The following NBPF12 variants were observed in gnomAD, a reference collection of about 807,000 sequenced individuals.
NBPF12 encodes NBPF member 12, also known as NBPF family member NBPF12.
A neutral mutation model predicts 146.4 loss-of-function variants in NBPF12; 115 were observed. The observed-to-expected ratio is 0.79, with a 90% CI of 0.68 to 0.92. The LOEUF is 0.92. NBPF12 is among the 40% of genes least tolerant of loss of function. The probability of loss-of-function intolerance (pLI) is 0.00; values close to 1 mark genes in which losing one functional copy is unlikely to be tolerated. For synonymous variants in NBPF12, 385 were observed against 508.9 expected, an observed-to-expected ratio of 0.76 and a Z score of 3.28; for missense variants, 1,205 against 1,326.8, an observed-to-expected ratio of 0.91 and a Z score of 1.43.
At chr1:146,994,819 C>T in exon 34 of NBPF12, 2 of 765,460 alleles carry the variant, frequency 2.6e-6, no homozygotes, top group Non-Finnish European at 4.0e-6. Flanking sequence ...ATCAGCCGGA[C>T]ATTTTAATTT....
At chr1:146,962,260 T>A (rs1655895015) in exon 5 of NBPF12, 1 of 1,603,648 alleles carries the variant, frequency 6.2e-7, no homozygotes, top group Non-Finnish European at 8.5e-7. Flanking sequence ...GCTGAGGAGC[T>A]CAGGTGAGGG....
At chr1:146,972,046 C>G (rs1489470723) in intron 13 of NBPF12, among the ~76,000 whole-genome samples, 6,910 of 147,908 alleles carry the variant, frequency 0.047, 754 homozygotes, top group African/African-American at 0.16. Flanking sequence ...CGAGATTGTG[C>G]CACTGCACTC....
chr1:146,940,527 G>A (rs1570805398), intron 1 of NBPF12, among the ~76,000 whole-genome samples: 1 of 150,058 alleles, frequency 6.7e-6, no homozygotes, highest in Non-Finnish European at 1.5e-5. Flanking sequence ...GTGCACTCTG[G>A]CCTGGATGGC....
chr1:146,956,266 C>A (rs1269700539), intron 2 of NBPF12, among the ~76,000 whole-genome samples: 5 of 151,876 alleles, frequency 3.3e-5, no homozygotes, highest in Non-Finnish European at 7.4e-5. Flanking sequence ...CACAAAAGAA[C>A]ACAGGTATCA....
chr1:146,946,649 T>G (rs1468513744), upstream of NBPF12, among the ~76,000 whole-genome samples: 4 of 148,092 alleles, frequency 2.7e-5, no homozygotes, highest in African/African-American at 5.0e-5. Context: ...TTTTCCATTC[T>G]CTTAACAGTG....
intron 8 of NBPF12, 146 bp downstream of exon 11, chr1:146,965,250 A>C: frequency 1.5e-6 from 1 of 679,204 alleles, no homozygotes; most frequent in South Asian, 1.7e-5. Context: ...ATATAATCAC[A>C]GCACTTTGGA....
intron 6 of NBPF12, 107 bp downstream of exon 9, chr1:146,963,416 A>C (rs1441946313): frequency 1.2e-6 from 2 of 1,601,586 alleles, no homozygotes; most frequent in East Asian, 4.5e-5. Context: ...TTTTTCTACT[A>C]CACATATGTG....
At position 146,975,367 on chromosome 1, in the gene NBPF12, C is replaced by G. The variant is rs1304522424; in HGVS notation, c.1905-310C>G. Among the ~76,000 whole-genome samples, 171 of 145,988 alleles carry G rather than the reference C, an allele frequency of 1.2e-3. 3 individuals carry two copies. Among genetic ancestry groups the G allele is most frequent in the Non-Finnish European group, 2.5e-4 (17 of 67,484 alleles). ...TATGTGTATTTTCACATGGAAATGT[C>G]CATGGCCAGAGTGAGGAACTGAAAG... On this transcript the variant is annotated intron_variant, in intron 15 of 33. Transcript: ENST00000617844.
chr1:146,954,881 C>CCCCA (rs1655498918), intron 2 of NBPF12, among the ~76,000 whole-genome samples: 1 of 102,994 alleles, frequency 9.7e-6, no homozygotes, highest in African/African-American at 3.7e-5. Context: ...GTATACACAC[C>CCCCA]CACACACACA....
chr1:146,965,328 A>G (rs1490344720), intron 8 of NBPF12, among the ~76,000 whole-genome samples: 1 of 151,382 alleles, frequency 6.6e-6, no homozygotes, highest in African/African-American at 2.4e-5. Context: ...GGTGAAACCC[A>G]TCTTTACGAA....
At chr1:146,973,361 G>A (rs1656781203) in intron 14 of NBPF12, among the ~76,000 whole-genome samples, 1 of 151,728 alleles carries the variant, frequency 6.6e-6, no homozygotes, top group African/African-American at 2.4e-5. Context: ...TTTCTGTTGA[G>A]GCCCAATACG....
chr1:146,965,763 G>T (rs1360208916), intron 8 of NBPF12, among the ~76,000 whole-genome samples: 2 of 123,884 alleles, frequency 1.6e-5, no homozygotes, highest in Non-Finnish European at 3.2e-5. Flanking sequence ...CTGCACTCCA[G>T]CCTGGGAGAC....
At chr1:146,947,215 G>A (rs2101816271), upstream of NBPF12, among the ~76,000 whole-genome samples, 1 of 151,826 alleles carries the variant, frequency 6.6e-6, no homozygotes, top group Admixed American at 6.5e-5. Context: ...TGGTCTTCAA[G>A]GAGTTTTTAA....
intron 23 of NBPF12, among the ~76,000 whole-genome samples, chr1:146,986,027 C>G (rs1437460162): frequency 1.8e-3 from 271 of 151,126 alleles, no homozygotes; most frequent in African/African-American, 6.2e-3. Context: ...ATTATTGAGC[C>G]CACTGTTTTC....
At chr1:146,949,132 TGCCG>T (rs1352742805), upstream of NBPF12, among the ~76,000 whole-genome samples, 10,910 of 139,576 alleles carry the variant, frequency 0.078, no homozygotes, top group East Asian at 0.17. Flanking sequence ...CAGAGGCCAG[TGCCG>T]GCATGGGTCC....
chr1:146,994,463 C>G lies in NBPF12; in HGVS notation c.4262C>G (p.Ser1421Ter). 3.1e-6 allele frequency: 5 copies of G among 1,609,008 alleles called. No individual in the cohort carries two copies. Among genetic ancestry groups the G allele is most frequent in the Non-Finnish European group, 3.4e-6 (4 of 1,178,912 alleles). The change falls in exon 34 of 34, where the codon TCA (serine) becomes TGA (stop). Residue 1421 changes from serine to a stop codon, truncating the protein, a stop_gained. Coordinates refer to ENST00000617844, the Ensembl canonical transcript of NBPF12. LOFTEE classifies it high-confidence loss of function. The stretch of plus-strand genomic sequence containing the variant: ...CAGCACTACAGAAGTGTGTTTTACT[C>G]ATTTGAGGAACAGCACATCACCTTT...
intron 11 of NBPF12, among the ~76,000 whole-genome samples, chr1:146,970,027 C>T (rs1457768963): frequency 3.3e-5 from 5 of 149,386 alleles, no homozygotes; most frequent in African/African-American, 5.0e-5. Context: ...GACAAATTGT[C>T]TCTTTCAAGG....
intron 21 of NBPF12, among the ~76,000 whole-genome samples, 176 bp from the exon 25 acceptor site, chr1:146,984,637 T>A (rs1353866548): frequency 8.4e-5 from 12 of 143,556 alleles, no homozygotes; most frequent in Non-Finnish European, 1.5e-4. Context: ...TTCTCTTTCA[T>A]CCTTTTCTAC....
Position 146,994,982 on chromosome 1 carries a change from A to C in NBPF12, c.*407A>C, listed in dbSNP as rs372298625. 1,807 of 270,458 alleles carry C rather than the reference A, an allele frequency of 6.7e-3. 27 individuals carry two copies. Among genetic ancestry groups the C allele is most frequent in the African/African-American group, 0.032 (1,362 of 42,086 alleles). 16.8% of individuals were successfully genotyped at this position (270,458 alleles called of 1,614,324 possible). A position where few individuals can be genotyped will look rare whatever the true frequency, so the allele number is the denominator to read the frequency against. ...TGGTTTCAATGAACCTAACCTCATTATTTGTGTCTTCAGTGTTGGCTTGTT... is the reference window on the plus strand; with the variant it reads ...TGGTTTCAATGAACCTAACCTCATTCTTTGTGTCTTCAGTGTTGGCTTGTT... On this transcript the variant is annotated 3_prime_UTR_variant, in exon 34 of 34. Coordinates refer to ENST00000617844, the Ensembl canonical transcript of NBPF12.
Sources: allele counts gnomAD v4.1 joint callset (sites outside exome capture counted in the v4.1 genomes callset), GRCh38; gene constraint gnomAD v4.1.1; transcripts MANE v1.5; gene names NCBI Gene and HGNC (gene_info 2026-07-23, HGNC 2026-07-21).